The following RECK variants were observed in gnomAD, a reference collection of about 807,000 sequenced individuals.
The protein encoded by RECK is reversion inducing cysteine rich protein with kazal motifs, also known as reversion-inducing cysteine-rich protein with Kazal motifs.
RECK carries 69 observed loss-of-function variants against 115.1 expected under a neutral mutation model. The observed-to-expected ratio is 0.60, with a 90% confidence interval of 0.49 to 0.73. The LOEUF (loss-of-function observed/expected upper bound fraction) is 0.73, where lower values mean the gene tolerates loss of function less well. Among genes scored for constraint, RECK ranks in the 30% least tolerant of loss-of-function variants. The pLI is 0.00. For synonymous variants in RECK, 414 were observed against 419.7 expected, an observed-to-expected ratio of 0.99 and a Z score of 0.17; for missense variants, 1,047 against 1,203.7, an observed-to-expected ratio of 0.87 and a Z score of 1.93.
intron 9 of RECK, among the ~76,000 whole-genome samples, 185 bp from the exon 10 acceptor site, chr9:36,090,979 C>T (rs1379966923): frequency 6.6e-6 from 1 of 152,192 alleles, no homozygotes; most frequent in Non-Finnish European, 1.5e-5. Context: ...TAAAAGAAGC[C>T]TGTTTTCCAT....
At chr9:36,070,678 G>A (rs1822194273) in intron 6 of RECK, among the ~76,000 whole-genome samples, 1 of 152,180 alleles carries the variant, frequency 6.6e-6, no homozygotes, top group Non-Finnish European at 1.5e-5. Context: ...TTCATCATGT[G>A]AAGGGGATTT....
intron 11 of RECK, among the ~76,000 whole-genome samples, chr9:36,101,015 G>T (rs1030897699): frequency 6.6e-6 from 1 of 151,112 alleles, no homozygotes; most frequent in African/African-American, 2.4e-5. Flanking sequence ...TCGCCAGGCT[G>T]GAGTGCAGTG....
Position 36,087,741 on chromosome 9 carries a change from T to G in RECK, c.685T>G (p.Cys229Gly), listed in dbSNP as rs757136639. Residue 229 changes from cysteine (C) to glycine (G), a missense_variant, in exon 9 of 21, where the codon TGC (cysteine) becomes GGC (glycine). Cys to Gly is a radical substitution (Grantham distance 159, BLOSUM62 -3). Coordinates refer to ENST00000377966, the MANE Select transcript of RECK (RefSeq NM_021111.3). ...RAEDHACQNA[C>G]KRILMSKKTE... ...TGAAGACCATGCTTGCCAAAATGCC[T>G]GCAAGAGAATCCTGATGTCCAAGAA... The G allele has an allele frequency of 2.5e-6, 4 of 1,613,890 alleles. No homozygotes were observed. In the Admixed American group the frequency reaches 5.0e-5, roughly 20 times the overall value.
chr9:36,052,170 A>G, intron 1 of RECK, 95 bp from the exon 2 acceptor site: 2 of 733,326 alleles, frequency 2.7e-6, no homozygotes, highest in Non-Finnish European at 5.0e-6. Flanking sequence ...AATAATCATC[A>G]TCTACTGAAT....
intron 7 of RECK, among the ~76,000 whole-genome samples, chr9:36,082,297 CCT>C (rs1822750211): frequency 6.6e-6 from 1 of 151,984 alleles, no homozygotes; most frequent in African/African-American, 2.4e-5. Flanking sequence ...CATCCTTCTA[CCT>C]CAACCTCCCT....
At chr9:36,086,790 T>C (rs1425760668) in intron 8 of RECK, among the ~76,000 whole-genome samples, 1 of 152,266 alleles carries the variant, frequency 6.6e-6, no homozygotes, top group Non-Finnish European at 1.5e-5. Context: ...TGTTTGTGTT[T>C]GTTGCTATAA....
In RECK at chr9:36,080,649, T is replaced by A. The variant is rs1353968973; in HGVS notation, c.439+11T>A. 5 of 1,608,496 alleles carry A rather than the reference T, an allele frequency of 3.1e-6. No individual in the cohort carries two copies. The East Asian group carries it at 1.1e-4, about 36-fold the overall frequency. Reference sequence around the variant, plus strand: ...TTAGCAGAAATGAAAGTAAGTATATTTGTCAATGGTTGTACAAACAGTCCA... The same window carrying A: ...TTAGCAGAAATGAAAGTAAGTATATATGTCAATGGTTGTACAAACAGTCCA... On this transcript the variant is annotated intron_variant, in intron 7 of 20. Transcript: ENST00000377966.
chr9:36,055,490 T>C (rs1821488526), intron 2 of RECK, among the ~76,000 whole-genome samples: 2 of 152,192 alleles, frequency 1.3e-5, no homozygotes. Context: ...TATACCCCTT[T>C]ACATGCATTA....
At position 36,100,288 on chromosome 9, in the gene RECK, A is replaced by G. The variant is rs776076681; in HGVS notation, c.1086-43A>G. ...ATTTTACTTGTTGCTTCTCTCTAGA[A>G]AATAATTGCCTCTTGATTCTTTCTG... On this transcript the variant is annotated intron_variant, in intron 10 of 20. Coordinates refer to ENST00000377966, the MANE Select transcript of RECK (RefSeq NM_021111.3). The G allele has an allele frequency of 2.6e-6, 4 of 1,534,374 alleles. No individual in the cohort carries two copies. In the Admixed American group the frequency reaches 7.0e-5, roughly 27 times the overall value.
chr9:36,120,999 C>T (rs1490042657), intron 19 of RECK, among the ~76,000 whole-genome samples: 1 of 152,212 alleles, frequency 6.6e-6, no homozygotes, highest in East Asian at 1.9e-4. Context: ...AAGGCCCCTG[C>T]TGGCACAGTA....
intron 17 of RECK, among the ~76,000 whole-genome samples, chr9:36,118,514 A>C (rs928865575): frequency 4.6e-5 from 7 of 152,132 alleles, no homozygotes; most frequent in African/African-American, 1.4e-4. Context: ...CACATGGAAT[A>C]AGCACCCAGA....
At chr9:36,106,229 TA>T (rs1262045795) in intron 13 of RECK, among the ~76,000 whole-genome samples, 8 of 145,110 alleles carry the variant, frequency 5.5e-5, no homozygotes, top group South Asian at 2.2e-4. Flanking sequence ...AAAAAAAGAT[TA>T]AAAAAAAACG....
intron 10 of RECK, 149 bp from the exon 11 acceptor site, chr9:36,100,182 C>T: frequency 1.6e-6 from 1 of 620,154 alleles, no homozygotes; most frequent in Non-Finnish European, 2.8e-6. Context: ...AATCTTCATA[C>T]AATCGAAGCT....
chr9:36,076,133 G>C (rs1461328441), intron 6 of RECK, among the ~76,000 whole-genome samples: 1 of 152,170 alleles, frequency 6.6e-6, no homozygotes, highest in East Asian at 1.9e-4. Context: ...GCTAGAACCC[G>C]GACTGCCCTA....
At chr9:36,074,037 C>A (rs60418737) in intron 6 of RECK, among the ~76,000 whole-genome samples, 2,369 of 152,164 alleles carry the variant, frequency 0.016, 50 homozygotes, top group East Asian at 0.061. Context: ...AACCACCCCC[C>A]ACAAAAAAAG....
intron 9 of RECK, among the ~76,000 whole-genome samples, chr9:36,088,681 C>T (rs1397957769): frequency 2.0e-5 from 3 of 152,202 alleles, no homozygotes; most frequent in Non-Finnish European, 4.4e-5. Flanking sequence ...TAGAATAGCT[C>T]ATCAGACTTT....
chr9:36,083,453 T>A lies in RECK; in HGVS notation c.528T>A (p.Gly176=), dbSNP rs753147516. The A allele has an allele frequency of 6.2e-7, 1 of 1,614,108 alleles. No individual in the cohort carries two copies. Among genetic ancestry groups the A allele is most frequent in the Non-Finnish European group, 8.5e-7 (1 of 1,179,996 alleles). ...TTTTTCGAACAGACTCTTCTCCTGG[T>A]CCATCTCAGATAAAAGCAGTGGAAA... is the stretch of plus-strand genomic sequence containing the variant. The part of the protein sequence containing the change: ...QAIFRTDSSP[G]PSQIKAVENY... The change falls in exon 8 of 21, where the codon GGT becomes GGA. Residue 176 remains glycine (G), a synonymous_variant. Transcript: ENST00000377966.
At chr9:36,093,225 C>A (rs570445910) in intron 10 of RECK, among the ~76,000 whole-genome samples, 2 of 152,208 alleles carry the variant, frequency 1.3e-5, no homozygotes, top group Admixed American at 6.5e-5. Flanking sequence ...GGTGTGAAAA[C>A]AACATTCCTC....
intron 9 of RECK, among the ~76,000 whole-genome samples, chr9:36,088,776 C>G (rs1823055678): frequency 2.0e-5 from 3 of 152,186 alleles, no homozygotes; most frequent in African/African-American, 7.2e-5. Context: ...CCCAACACTT[C>G]AGGAGGCTGA....
Sources: allele counts gnomAD v4.1 joint callset (sites outside exome capture counted in the v4.1 genomes callset), GRCh38; gene constraint gnomAD v4.1.1; transcripts MANE v1.5; gene names NCBI Gene and HGNC (gene_info 2026-07-23, HGNC 2026-07-21).